Variants in TEX35 observed in about 807,000 individuals in gnomAD.
The protein encoded by TEX35 is testis expressed 35, also known as testis-expressed protein 35.
TEX35 carries 26 observed loss-of-function variants against 31.9 expected under a neutral mutation model. That is an observed-to-expected ratio of 0.81 (90% CI 0.60 to 1.13). The LOEUF (loss-of-function observed/expected upper bound fraction) is 1.13. Among genes scored for constraint, TEX35 ranks in the 50% most tolerant of loss-of-function variants. TEX35 has a pLI of 0.00. For synonymous variants in TEX35, 87 were observed against 90.7 expected (o/e 0.96, Z 0.23); for missense variants, 278 against 273.5 (o/e 1.02, Z -0.12).
At position 178,522,280 on chromosome 1, in the gene TEX35, T is replaced by C. The variant is rs747230175; in HGVS notation, c.587-45T>C. ...TTCTTGGGTTCTGGGGATCCACCCTTCTCACCCCCTTGAAGGTTTCCTCTC... is the reference window on the plus strand; with the variant it reads ...TTCTTGGGTTCTGGGGATCCACCCTCCTCACCCCCTTGAAGGTTTCCTCTC... On this transcript the variant is annotated intron_variant, in intron 8 of 8. Transcript: ENST00000319416. 10 of 1,532,408 alleles carry C rather than the reference T, an allele frequency of 6.5e-6. No individual in the cohort carries two copies. In the Admixed American group the frequency reaches 2.0e-4, roughly 31 times the overall value. 94.9% of individuals were successfully genotyped at this position (1,532,408 alleles called of 1,614,324 possible).
chr1:178,513,341 T>C, intron 1 of TEX35, 114 bp downstream of exon 1: 4 of 1,358,190 alleles, frequency 2.9e-6, no homozygotes, highest in Non-Finnish European at 4.1e-6. Context: ...GGTTTTTCTT[T>C]CTCTGTACTG....
intron 3 of TEX35, among the ~76,000 whole-genome samples, 171 bp downstream of exon 3, chr1:178,514,939 G>C (rs1409402400): frequency 6.6e-6 from 1 of 152,174 alleles, no homozygotes; most frequent in Non-Finnish European, 1.5e-5. Flanking sequence ...TATAGCCCTT[G>C]TTCTAATTTC....
At position 178,516,614 on chromosome 1, in the gene TEX35, G is replaced by A. The variant is rs774362075; in HGVS notation, c.217-1G>A. On this transcript the variant is annotated splice_acceptor_variant, in intron 4 of 8. Coordinates refer to ENST00000319416, the MANE Select transcript of TEX35 (RefSeq NM_032126.5). LOFTEE classifies it high-confidence loss of function. Reference sequence around the variant, plus strand: ...CAAGCCATGCCTTTCTTCCTTGTTAGATAAAGGATCTAATGGACAAGGATT... The same window carrying A: ...CAAGCCATGCCTTTCTTCCTTGTTAAATAAAGGATCTAATGGACAAGGATT... 6.2e-7 allele frequency: 1 copy of A among 1,612,958 alleles called. No individual in the cohort carries two copies. The highest frequency in any genetic ancestry group is 1.1e-5 in the South Asian group (1 of 90,990).
Position 178,518,743 on chromosome 1 carries a change from G to A in TEX35, c.277-1629G>A, listed in dbSNP as rs532491476. Among the ~76,000 whole-genome samples the A allele has an allele frequency of 3.7e-4, 57 of 152,242 alleles. No homozygotes were observed. In the South Asian group the frequency reaches 0.01, roughly 28 times the overall value. ...GTACTGTCCAAATTTTCTACAAAGG[G>A]CATGCATTAATTATTTCTCTGTTAA... On this transcript the variant is annotated intron_variant, in intron 5 of 8. Transcript: ENST00000319416.
Position 178,516,615 on chromosome 1 carries a change from A to T in TEX35, c.217A>T (p.Ile73Leu). 5.6e-6 allele frequency: 9 copies of T among 1,613,216 alleles called. No homozygotes were observed. The highest frequency in any genetic ancestry group is 6.8e-6 in the Non-Finnish European group (8 of 1,179,260). ...AAGCCATGCCTTTCTTCCTTGTTAG[A>T]TAAAGGATCTAATGGACAAGGATTT... ...LKEKMEEIKQIKDLMDKDFDK... is the reference protein window; with the variant it reads ...LKEKMEEIKQLKDLMDKDFDK... The change falls in exon 5 of 9, where the codon ATA (isoleucine) becomes TTA (leucine). Residue 73 changes from isoleucine (I) to leucine (L), a missense_variant and splice_region_variant. Transcript: ENST00000319416.
intron 5 of TEX35, among the ~76,000 whole-genome samples, chr1:178,519,391 C>T (rs1441171393): frequency 1.3e-5 from 2 of 152,130 alleles, no homozygotes; most frequent in Non-Finnish European, 2.9e-5. Context: ...AAAATGAAAT[C>T]AGTTTGGAAC....
chr1:178,523,286 A>T, downstream of TEX35: 1 of 701,358 alleles, frequency 1.4e-6, no homozygotes, highest in South Asian at 1.5e-5. Context: ...CAATATGCTG[A>T]TTTTCTTTCT....
At chr1:178,515,690 AG>A (rs1650050011) in intron 3 of TEX35, among the ~76,000 whole-genome samples, 168 bp from the exon 4 acceptor site, 1 of 152,174 alleles carries the variant, frequency 6.6e-6, no homozygotes, top group Non-Finnish European at 1.5e-5. Context: ...TACAGGTGTG[AG>A]CCAGTGCACC....
At chr1:178,521,647 C>T (rs773466582) in intron 8 of TEX35, 17 of 1,552,160 alleles carry the variant, frequency 1.1e-5, no homozygotes, top group African/African-American at 9.6e-5. Flanking sequence ...ACCCCGGTGA[C>T]ATCGAATATG....
intron 5 of TEX35, among the ~76,000 whole-genome samples, chr1:178,518,700 A>G (rs1650164679): frequency 6.6e-6 from 1 of 152,248 alleles, no homozygotes; most frequent in South Asian, 2.1e-4. Context: ...GAGAATATTC[A>G]TACTTTTATA....
At chr1:178,518,941 G>A (rs898606941) in intron 5 of TEX35, among the ~76,000 whole-genome samples, 1 of 152,004 alleles carries the variant, frequency 6.6e-6, no homozygotes, top group East Asian at 1.9e-4. Flanking sequence ...GGGGGAAACT[G>A]TGAGGGAAAA....
At chr1:178,514,874 A>G in intron 3 of TEX35, 106 bp downstream of exon 3, 1 of 899,050 alleles carries the variant, frequency 1.1e-6, no homozygotes, top group Non-Finnish European at 1.8e-6. Context: ...ATCCTCTTAC[A>G]TAGGCACAGT....
chr1:178,513,140 T>TC lies in TEX35; in HGVS notation c.-46dup. The TC allele has an allele frequency of 6.2e-7, 1 of 1,604,794 alleles. No homozygotes were observed. The highest frequency in any genetic ancestry group is 8.5e-7 in the Non-Finnish European group (1 of 1,172,066). ...TAAGTTGCCTAGGACAGTGGCCTGG[T>TC]CCCAGGGGCTGTTGTGGGGAGTTGA... On this transcript the variant is annotated 5_prime_UTR_variant, in exon 1 of 9. Coordinates refer to ENST00000319416, the MANE Select transcript of TEX35 (RefSeq NM_032126.5).
intron 4 of TEX35, 70 bp downstream of exon 4, chr1:178,515,985 T>C: frequency 8.1e-7 from 1 of 1,229,296 alleles, no homozygotes; most frequent in South Asian, 1.2e-5. Context: ...TCCTTAAGTT[T>C]GAATAGTGAA....
In TEX35 at chr1:178,520,695, G is replaced by A. The variant is rs750325051; in HGVS notation, c.364G>A (p.Glu122Lys). The A allele has an allele frequency of 1.4e-5, 22 of 1,613,758 alleles. No homozygotes were observed. The highest frequency in any genetic ancestry group is 8.8e-5 in the South Asian group (8 of 91,044). Residue 122 changes from glutamate (E) to lysine (K), a missense_variant, in exon 7 of 9, where the codon GAG (glutamate) becomes AAG (lysine). By Grantham distance (56) the Glu-to-Lys change is moderately conservative. Coordinates refer to ENST00000319416, the MANE Select transcript of TEX35 (RefSeq NM_032126.5). The part of the protein sequence containing the change: ...YKLPLRRAPK[E>K]QQELRLMGKT... ...CAGTCCCCTTAGAAGAGCACCAAAG[G>A]AGCAGCAGGAACTCAGGCTGATGGG...
rs941110324 is a variant in TEX35 at position 178,521,401 on chromosome 1, C to CA, written c.586+138dup. The CA allele has an allele frequency of 1.3e-5, 14 of 1,118,480 alleles. No homozygotes were observed. In the African/African-American group the frequency reaches 2.0e-4, roughly 16 times the overall value. The allele number at this position is 1,118,480 out of a possible 1,614,324, so 69.3% of individuals were successfully genotyped here. ...AGTAGGGACTGTTAGCAGATGCTGCCACCCAGCATGCTCAGTCATACAGGA... is the reference window on the plus strand; with the variant it reads ...AGTAGGGACTGTTAGCAGATGCTGCCAACCCAGCATGCTCAGTCATACAGGA... On this transcript the variant is annotated intron_variant, in intron 8 of 8. Coordinates refer to ENST00000319416, the MANE Select transcript of TEX35 (RefSeq NM_032126.5).
rs1422748037 is a variant in TEX35, at chr1:178,515,805, C to T, written c.160-54C>T. On this transcript the variant is annotated intron_variant, in intron 3 of 8. Coordinates refer to ENST00000319416, the MANE Select transcript of TEX35 (RefSeq NM_032126.5). ...TTCCTTTCCTCCTGTTGATGGTTTC[C>T]CCTCCATCCTAGATATTTCTTTCCT... 2.1e-6 allele frequency: 3 copies of T among 1,403,446 alleles called. No homozygotes were observed. In the African/African-American group the frequency reaches 4.3e-5, roughly 20 times the overall value. The allele number at this position is 1,403,446 out of a possible 1,614,324, so 86.9% of individuals were successfully genotyped here.
downstream of TEX35, chr1:178,523,249 A>G (rs149488487): frequency 6.4e-5 from 45 of 698,432 alleles, no homozygotes; most frequent in African/African-American, 7.5e-4. Context: ...CAGTGATGCA[A>G]CAAATGTGAG....
intron 4 of TEX35, 125 bp from the exon 5 acceptor site, chr1:178,516,490 G>A: frequency 2.6e-6 from 2 of 758,214 alleles, no homozygotes; most frequent in Non-Finnish European, 4.5e-6. Context: ...GGCTCTAACA[G>A]GCCATTATTA....
Sources: gnomAD v4.1 joint callset for allele counts (sites outside exome capture counted in the v4.1 genomes callset) on GRCh38, gnomAD v4.1.1 for gene constraint, MANE v1.5 for transcripts, NCBI Gene and HGNC (gene_info 2026-07-23, HGNC 2026-07-21) for gene names.